EIF4G3: variants seen among roughly 807,000 people sequenced by gnomAD.
EIF4G3 encodes eIF-4-gamma 3.
EIF4G3 carries 34 observed loss-of-function variants against 186.4 expected under a neutral mutation model. The observed-to-expected ratio is 0.18, with a 90% CI of 0.14 to 0.24. EIF4G3 has a LOEUF of 0.24. Ranked by LOEUF, EIF4G3 falls within the 10% of genes least tolerant of loss-of-function variation. The pLI is 1.00. For synonymous variants in EIF4G3, 673 were observed against 679.5 expected (o/e 0.99, Z 0.15); for missense variants, 1,536 against 1,948.5 (o/e 0.79, Z 3.99).
At chr1:21,061,611 T>C (rs1452755796) in intron 3 of EIF4G3, among the ~76,000 whole-genome samples, 1 of 152,104 alleles carries the variant, frequency 6.6e-6, no homozygotes, top group African/African-American at 2.4e-5. Flanking sequence ...AGTCTGAAAC[T>C]TATGAGAGGA....
At chr1:21,032,078 G>T (rs1225594317) in intron 4 of EIF4G3, among the ~76,000 whole-genome samples, 1 of 152,192 alleles carries the variant, frequency 6.6e-6, no homozygotes. Flanking sequence ...GGTTTAAAGA[G>T]AAATCAAAAC....
chr1:21,089,383 TA>T (rs1195628139), intron 2 of EIF4G3, among the ~76,000 whole-genome samples, 170 bp from the exon 3 acceptor site: 2 of 152,190 alleles, frequency 1.3e-5, no homozygotes, highest in Non-Finnish European at 2.9e-5. Context: ...CTAAAATGAC[TA>T]AATCAATCTC....
chr1:20,814,776 CCCCTCCCCCTCT>C lies in EIF4G3; in HGVS notation c.4516-1549_4516-1538del, dbSNP rs1418329865. Among the ~76,000 whole-genome samples the C allele has an allele frequency of 8.3e-4, 35 of 42,234 alleles. 1 individual carries two copies. Among genetic ancestry groups the C allele is most frequent in the East Asian group, 4.7e-3 (7 of 1,482 alleles). 27.7% of individuals were successfully genotyped at this position (42,234 alleles called of 152,430 possible). On this transcript the variant is annotated intron_variant, in intron 34 of 36. Transcript: ENST00000602326. ...CCCCCTCCCCCTCCCCCTCCCCCTCCCCCTCCCCCTCTCCCTCTCCCCACAGTCTCCTTCCAC... is the reference window on the plus strand; with the variant it reads ...CCCCCTCCCCCTCCCCCTCCCCCTCCCCCTCTCCCCACAGTCTCCTTCCAC...
At chr1:20,985,947 C>G (rs1000425563) in intron 7 of EIF4G3, among the ~76,000 whole-genome samples, 10 of 152,150 alleles carry the variant, frequency 6.6e-5, no homozygotes, top group African/African-American at 2.4e-4. Flanking sequence ...CCACTTGTCT[C>G]GTGTCCATCC....
intron 19 of EIF4G3, among the ~76,000 whole-genome samples, chr1:20,881,351 A>G (rs1214405681): frequency 6.6e-6 from 1 of 152,266 alleles, no homozygotes; most frequent in Non-Finnish European, 1.5e-5. Context: ...TCACAAAGCT[A>G]AATGTGAAAC....
chr1:21,166,774 TTTTG>T (rs1468615843), intron 2 of EIF4G3, among the ~76,000 whole-genome samples: 4 of 152,016 alleles, frequency 2.6e-5, no homozygotes, highest in African/African-American at 4.8e-5. Context: ...TAAGGGTTTT[TTTTG>T]TTTGTTTTGG....
rs541736621 is a variant in EIF4G3 at position 20,981,764 on chromosome 1, A to G, written c.199-537T>C. ...TATACACATACATATATGTATACAC[A>G]CATACTGTATATATACATACATATA... is the stretch of plus-strand genomic sequence containing the variant. On this transcript the variant is annotated intron_variant, in intron 8 of 36. Transcript: ENST00000602326. Among the ~76,000 whole-genome samples the G allele has an allele frequency of 3.4e-4, 52 of 151,744 alleles. 1 individual carries two copies. In the South Asian group the frequency reaches 0.01, roughly 30 times the overall value.
At chr1:20,933,661 G>T (rs781212649) in intron 14 of EIF4G3, among the ~76,000 whole-genome samples, 1 of 151,734 alleles carries the variant, frequency 6.6e-6, no homozygotes, top group East Asian at 1.9e-4. Context: ...ATCTTGTGGG[G>T]GGAAAAACAA....
chr1:21,156,127 C>CAAAA (rs59546159), intron 2 of EIF4G3, among the ~76,000 whole-genome samples: 2 of 125,332 alleles, frequency 1.6e-5, no homozygotes, highest in Non-Finnish European at 3.3e-5. Flanking sequence ...AACTCTGTCT[C>CAAAA]AAAAAAAAAA....
At chr1:20,897,309 A>T (rs1466139343) in intron 16 of EIF4G3, among the ~76,000 whole-genome samples, 1 of 152,074 alleles carries the variant, frequency 6.6e-6, no homozygotes, top group Non-Finnish European at 1.5e-5. Context: ...TAAGACTTAA[A>T]TAACTAAATA....
intron 2 of EIF4G3, among the ~76,000 whole-genome samples, chr1:21,112,615 T>C (rs2102210770): frequency 6.6e-6 from 1 of 152,342 alleles, no homozygotes; most frequent in African/African-American, 2.4e-5. Context: ...TTGGTTTTTC[T>C]GAGGTATAAA....
At chr1:20,948,274 G>A (rs557489431) in intron 13 of EIF4G3, among the ~76,000 whole-genome samples, 1 of 152,168 alleles carries the variant, frequency 6.6e-6, no homozygotes, top group Admixed American at 6.5e-5. Flanking sequence ...GTAGCAAGTC[G>A]ACTTCCACAT....
At chr1:20,930,093 T>C (rs1173883649) in intron 14 of EIF4G3, among the ~76,000 whole-genome samples, 1 of 152,230 alleles carries the variant, frequency 6.6e-6, no homozygotes, top group African/African-American at 2.4e-5. Flanking sequence ...ATTATCTGAA[T>C]TAAATAATAC....
At chr1:20,873,709 T>C (rs2079892500) in intron 20 of EIF4G3, among the ~76,000 whole-genome samples, 1 of 129,592 alleles carries the variant, frequency 7.7e-6, no homozygotes, top group Admixed American at 8.6e-5. Flanking sequence ...ATTGAATGTC[T>C]TTTTTTTTTC....
At chr1:21,152,076 G>A (rs1454963351) in intron 2 of EIF4G3, among the ~76,000 whole-genome samples, 3 of 152,124 alleles carry the variant, frequency 2.0e-5, no homozygotes, top group Non-Finnish European at 4.4e-5. Context: ...GGATTAAAAG[G>A]CTCAGAAGAA....
intron 33 of EIF4G3, among the ~76,000 whole-genome samples, chr1:20,818,306 TGC>T (rs1355895675): frequency 1.3e-5 from 2 of 152,206 alleles, no homozygotes. Context: ...TGAGAAATGA[TGC>T]TATAATTGTT....
At chr1:21,035,340 C>G (rs1051038239) in intron 4 of EIF4G3, among the ~76,000 whole-genome samples, 1 of 152,200 alleles carries the variant, frequency 6.6e-6, no homozygotes, top group African/African-American at 2.4e-5. Flanking sequence ...AGGAGTCCCA[C>G]CCCTCCTGAG....
intron 3 of EIF4G3, among the ~76,000 whole-genome samples, chr1:21,080,193 T>C (rs886093954): frequency 2.0e-5 from 3 of 149,798 alleles, no homozygotes; most frequent in African/African-American, 4.9e-5. Flanking sequence ...TGCATGCCTG[T>C]AGTCCTAGCT....
intron 3 of EIF4G3, chr1:21,064,424 A>G (rs2095120574): frequency 6.6e-6 from 1 of 152,206 alleles, no homozygotes; most frequent in Admixed American, 6.5e-5. Context: ...ATTCAACCAA[A>G]TCTTACTATT....
Sources: gnomAD v4.1 joint callset for allele counts (sites outside exome capture counted in the v4.1 genomes callset) on GRCh38, gnomAD v4.1.1 for gene constraint, MANE v1.5 for transcripts, NCBI Gene and HGNC (gene_info 2026-07-23, HGNC 2026-07-21) for gene names.